C6orf118: variants seen among roughly 807,000 people sequenced by gnomAD.
C6orf118 encodes the protein chromosome 6 open reading frame 118, also known as uncharacterized protein C6orf118.
C6orf118 carries 50 observed loss-of-function variants against 50.2 expected under a neutral mutation model. That is an observed-to-expected ratio of 1.00 (90% confidence interval 0.79 to 1.26). The LOEUF (loss-of-function observed/expected upper bound fraction) is 1.26. C6orf118 is among the 50% of genes most tolerant of loss of function. The pLI is 0.00. For synonymous variants in C6orf118, 239 were observed against 230.9 expected (o/e 1.03, Z -0.32); for missense variants, 641 against 578.7 (o/e 1.11, Z -1.10).
Position 165,299,531 on chromosome 6 carries a change from G to T in C6orf118, c.877-29C>A, listed in dbSNP as rs568777286. On this transcript the variant is annotated intron_variant, in intron 3 of 8. Transcript: ENST00000230301. ...TACAGAAACAAACAAAAGTCCACTGGCCATGTATGAGGAGGCCACAGTGCA... is the reference window on the plus strand; with the variant it reads ...TACAGAAACAAACAAAAGTCCACTGTCCATGTATGAGGAGGCCACAGTGCA... 3.7e-5 allele frequency: 59 copies of T among 1,602,934 alleles called. No homozygotes were observed. In the South Asian group the frequency reaches 6.1e-4, roughly 16 times the overall value.
At position 165,300,459 on chromosome 6, in the gene C6orf118, G is replaced by T; in HGVS notation, c.781C>A (p.Pro261Thr). ...QELQKICTCS[P>T]QQFNRLHVFG... ...ACGTGCAGTCTGTTGAACTGCTGGG[G>T]GCTGCACGTGCAAATTTTCTGGAGC... The change falls in exon 3 of 9, where the codon CCC becomes ACC. Residue 261 changes from proline (P) to threonine (T), a missense_variant. Pro to Thr is a conservative substitution (Grantham distance 38). Coordinates refer to ENST00000230301, the MANE Select transcript of C6orf118 (RefSeq NM_144980.4). 6.2e-7 allele frequency: 1 copy of T among 1,612,702 alleles called. No individual in the cohort carries two copies. Among genetic ancestry groups the T allele is most frequent in the Non-Finnish European group, 8.5e-7 (1 of 1,179,298 alleles).
intron 1 of C6orf118, among the ~76,000 whole-genome samples, chr6:165,302,918 A>C (rs1780613802): frequency 6.6e-6 from 1 of 152,240 alleles, no homozygotes; most frequent in Non-Finnish European, 1.5e-5. Flanking sequence ...TTTGGCAAAG[A>C]GGCACATGGC....
In C6orf118 at chr6:165,309,582, G is replaced by A; in HGVS notation, c.5C>T (p.Ala2Val). 6.2e-7 allele frequency: 1 copy of A among 1,614,014 alleles called. No individual in the cohort carries two copies. The highest frequency in any genetic ancestry group is 1.3e-5 in the African/African-American group (1 of 75,038). The change falls in exon 1 of 9, where the codon GCG (alanine) becomes GTG (valine). Residue 2 changes from alanine (A) to valine (V), a missense_variant. Physicochemically the swap from Ala to Val is moderately conservative, Grantham distance 64 (BLOSUM62 0). Coordinates refer to ENST00000230301, the MANE Select transcript of C6orf118 (RefSeq NM_144980.4). MAEEREPELYLK... is the reference protein window; with the variant it reads MVEEREPELYLK... ...CTTACATTCAGGCTCCCGCTCCTCC[G>A]CCATCGCTTCCTTCCCTCCAGCTGC...
At chr6:165,299,722 A>C (rs1441574090) in intron 3 of C6orf118, among the ~76,000 whole-genome samples, 1 of 152,260 alleles carries the variant, frequency 6.6e-6, no homozygotes, top group Non-Finnish European at 1.5e-5. Context: ...ATTACCTCAG[A>C]ATATCATAAA....
intron 4 of C6orf118, among the ~76,000 whole-genome samples, chr6:165,298,428 C>T (rs1014859828): frequency 6.6e-6 from 1 of 152,174 alleles, no homozygotes; most frequent in East Asian, 1.9e-4. Context: ...GTCAGTGGCA[C>T]CGCAATCGTT....
chr6:165,309,544 C>G lies in C6orf118; in HGVS notation c.25+18G>C. 1 of 1,614,112 alleles carries G rather than the reference C, an allele frequency of 6.2e-7. No individual in the cohort carries two copies. The highest frequency in any genetic ancestry group is 8.5e-7 in the Non-Finnish European group (1 of 1,179,958). On this transcript the variant is annotated intron_variant, in intron 1 of 8. Transcript: ENST00000230301. ...AGCAAATCTCACAAGCCAGCAAGAG[C>G]CGCTCCAGGCCACTTACATTCAGGC...
intron 1 of C6orf118, among the ~76,000 whole-genome samples, chr6:165,306,535 C>CAAAA (rs60755206): frequency 7.6e-5 from 3 of 39,686 alleles, no homozygotes; most frequent in Admixed American, 8.0e-4. Context: ...TAGGTGAATG[C>CAAAA]AAAAAAAAAA....
intron 7 of C6orf118, among the ~76,000 whole-genome samples, chr6:165,285,044 C>T (rs1779855319): frequency 6.6e-6 from 1 of 152,140 alleles, no homozygotes. Context: ...AGTCAAGACC[C>T]ATCAGTGTGC....
intron 5 of C6orf118, among the ~76,000 whole-genome samples, chr6:165,297,701 G>T (rs867533644): frequency 1.3e-5 from 2 of 152,032 alleles, no homozygotes; most frequent in Non-Finnish European, 2.9e-5. Flanking sequence ...CAGCCCTCTC[G>T]CCTATCAGTC....
At chr6:165,281,379 G>T in intron 8 of C6orf118, 1 of 485,074 alleles carries the variant, frequency 2.1e-6, no homozygotes, top group Non-Finnish European at 3.1e-6. Context: ...TCATGAGTGT[G>T]AACCCTTCAA....
In C6orf118 at chr6:165,301,933, C is replaced by T. The variant is rs1345142730; in HGVS notation, c.389G>A (p.Arg130Lys). Residue 130 changes from arginine (R) to lysine (K), a missense_variant, in exon 2 of 9, where the codon AGG (arginine) becomes AAG (lysine). Arg to Lys is a conservative substitution (Grantham distance 26). Coordinates refer to ENST00000230301, the MANE Select transcript of C6orf118 (RefSeq NM_144980.4). ...AAGAGAGGCCTGGGGGTTCAGGTAC[C>T]TGAACAGCGGGGTGTCCTGGGCCTC... ...PSEAQDTPLF[R>K]YLNPQASLSH... The T allele has an allele frequency of 1.9e-6, 3 of 1,613,716 alleles. No individual in the cohort carries two copies. Among genetic ancestry groups the T allele is most frequent in the Non-Finnish European group, 1.7e-6 (2 of 1,180,006 alleles).
chr6:165,300,670 T>C (rs897205407), intron 2 of C6orf118, among the ~76,000 whole-genome samples, 184 bp from the exon 3 acceptor site: 2 of 152,014 alleles, frequency 1.3e-5, no homozygotes, highest in Non-Finnish European at 2.9e-5. Flanking sequence ...GTTTCCCTGG[T>C]CACCCAAGAT....
chr6:165,282,501 G>T (rs193203493), intron 7 of C6orf118, among the ~76,000 whole-genome samples: 9 of 152,106 alleles, frequency 5.9e-5, no homozygotes, highest in Admixed American at 2.0e-4. Context: ...AAGTTACTTA[G>T]CATATTAGTG....
chr6:165,303,244 G>A (rs484861), intron 1 of C6orf118, among the ~76,000 whole-genome samples: 26,683 of 152,062 alleles, frequency 0.18, 2,566 homozygotes, highest in South Asian at 0.22. Context: ...GAGAATCGCC[G>A]CTGTTGATCA....
chr6:165,293,096 T>C (rs1041157932), intron 6 of C6orf118: 40 of 286,876 alleles, frequency 1.4e-4, no homozygotes, highest in Admixed American at 3.6e-4. Context: ...ACATTCAAAA[T>C]AATTTTAATA....
chr6:165,281,606 T>C lies in C6orf118; in HGVS notation c.1356+34A>G, dbSNP rs1039997405. 3 of 1,485,494 alleles carry C rather than the reference T, an allele frequency of 2.0e-6. No individual in the cohort carries two copies. The African/African-American group carries it at 4.3e-5, about 21-fold the overall frequency. The allele number at this position is 1,485,494 out of a possible 1,614,324, so 92.0% of individuals were successfully genotyped here. ...AAGCAGTCACCAGAGGAAATATTTT[T>C]ATTGATAAACATTGATTCACACAAA... On this transcript the variant is annotated intron_variant, in intron 8 of 8. Transcript: ENST00000230301.
intron 8 of C6orf118, 65 bp downstream of exon 8, chr6:165,281,575 C>A: frequency 6.9e-7 from 1 of 1,457,730 alleles, no homozygotes; most frequent in South Asian, 1.4e-5. Context: ...GCTTATTACA[C>A]AGGACAAGCA....
intron 6 of C6orf118, 46 bp downstream of exon 6, chr6:165,293,367 G>T (rs773909752): frequency 1.3e-6 from 2 of 1,566,890 alleles, no homozygotes; most frequent in Non-Finnish European, 1.8e-6. Flanking sequence ...AATAATGAAG[G>T]TCACAGCAAA....
At chr6:165,298,641 C>T (rs1780401228) in intron 4 of C6orf118, among the ~76,000 whole-genome samples, 1 of 152,122 alleles carries the variant, frequency 6.6e-6, no homozygotes, top group African/African-American at 2.4e-5. Flanking sequence ...GGGACGTATG[C>T]CACTTATGAC....
Sources: gnomAD v4.1 joint callset for allele counts (sites outside exome capture counted in the v4.1 genomes callset) on GRCh38, gnomAD v4.1.1 for gene constraint, MANE v1.5 for transcripts, NCBI Gene and HGNC (gene_info 2026-07-23, HGNC 2026-07-21) for gene names.